ZNF469: variants seen among roughly 807,000 people sequenced by gnomAD.
ZNF469 encodes zinc finger protein 469.
ZNF469 carries 1 observed loss-of-function variant against 1.0 expected under a neutral mutation model. That is an observed-to-expected ratio of 1.00 (90% CI 0.35 to 4.73). The LOEUF is 4.73. Ranked by LOEUF, ZNF469 falls within the 30% of genes most tolerant of loss-of-function variation. The pLI is 0.16. For missense variants in ZNF469, 6,100 were observed against 5,356.3 expected (o/e 1.14, Z -4.33); for synonymous variants, 2,703 against 2,363.4 (o/e 1.14, Z -4.17).
At chr16:88,339,746 TGG>T in the ZNF469 span, among the ~76,000 whole-genome samples, 1 of 47,858 alleles carries the variant, frequency 2.1e-5, no homozygotes, top group Admixed American at 2.9e-4. Context: ...GGCAGGGGGA[TGG>T]GGGACAGACT....
the ZNF469 span, among the ~76,000 whole-genome samples, chr16:88,120,115 C>A: frequency 6.6e-6 from 1 of 152,176 alleles, no homozygotes; most frequent in East Asian, 1.9e-4. Context: ...GTGGACGTGT[C>A]CCGTGGAGGG....
At chr16:88,269,666 G>A in the ZNF469 span, among the ~76,000 whole-genome samples, 1 of 152,008 alleles carries the variant, frequency 6.6e-6, no homozygotes, top group South Asian at 2.1e-4. Flanking sequence ...TTTAAATCAC[G>A]TCTTCTGCAC....
At chr16:88,373,693 G>A in the ZNF469 span, among the ~76,000 whole-genome samples, 2 of 152,184 alleles carry the variant, frequency 1.3e-5, no homozygotes, top group Non-Finnish European at 2.9e-5. Context: ...ATCTTGAGCA[G>A]GTTTTGGAAG....
the ZNF469 span, among the ~76,000 whole-genome samples, chr16:88,331,963 T>C: frequency 1.3e-5 from 2 of 152,222 alleles, no homozygotes; most frequent in African/African-American, 4.8e-5. Context: ...TATGAAGGCC[T>C]GGCATGGCAG....
the ZNF469 span, among the ~76,000 whole-genome samples, chr16:88,347,225 G>A: frequency 1.2e-4 from 18 of 152,244 alleles, no homozygotes; most frequent in Non-Finnish European, 2.2e-4. Flanking sequence ...CTTTGGACGA[G>A]TGAGATCCCA....
the ZNF469 span, among the ~76,000 whole-genome samples, chr16:88,127,232 C>A: frequency 1.2e-4 from 18 of 152,162 alleles, no homozygotes; most frequent in African/African-American, 3.4e-4. Flanking sequence ...GCGTTGTCCG[C>A]GTCACAGGCC....
At chr16:88,393,045 G>A (rs1019487063) in intron 1 of ZNF469, among the ~76,000 whole-genome samples, 29 of 152,256 alleles carry the variant, frequency 1.9e-4, no homozygotes, top group African/African-American at 6.8e-4. Flanking sequence ...GGCGTGTGTG[G>A]GTGGGTTGGT....
the ZNF469 span, among the ~76,000 whole-genome samples, chr16:88,156,576 G>C: frequency 6.6e-6 from 1 of 152,226 alleles, no homozygotes; most frequent in South Asian, 2.1e-4. Context: ...TTATATCTTT[G>C]CAATCAGGAT....
chr16:88,238,391 A>T, the ZNF469 span, among the ~76,000 whole-genome samples: 1 of 152,202 alleles, frequency 6.6e-6, no homozygotes, highest in Non-Finnish European at 1.5e-5. Context: ...GGGATGTCCC[A>T]AAGTGGGACG....
At chr16:88,163,834 A>G in the ZNF469 span, among the ~76,000 whole-genome samples, 30 of 150,262 alleles carry the variant, frequency 2.0e-4, no homozygotes, top group African/African-American at 7.4e-4. Context: ...CAGGGATGGT[A>G]GATGTACAGA....
In ZNF469 at chr16:88,434,477, G is replaced by T. The variant is rs535533519; in HGVS notation, c.7007G>T (p.Arg2336Leu). 6.5e-7 allele frequency: 1 copy of T among 1,549,830 alleles called. No homozygotes were observed. Among genetic ancestry groups the T allele is most frequent in the African/African-American group, 1.4e-5 (1 of 73,030 alleles). ...HSSYSPSNTA[R>L]LGHREGQAVT... ...TCGTATTCTCCAAGCAATACTGCCC[G>T]CCTCGGCCACAGGGAGGGCCAGGCT... The change falls in exon 3 of 3, where the codon CGC (arginine) becomes CTC (leucine). Residue 2336 changes from arginine (R) to leucine (L), a missense_variant. Physicochemically the swap from Arg to Leu is moderately radical, Grantham distance 102. Coordinates refer to ENST00000565624, the MANE Select transcript of ZNF469 (RefSeq NM_001367624.2).
At chr16:88,289,132 G>A in the ZNF469 span, among the ~76,000 whole-genome samples, 2 of 151,410 alleles carry the variant, frequency 1.3e-5, no homozygotes, top group African/African-American at 2.4e-5. Flanking sequence ...GGTGATGACG[G>A]TGGTGTTGAG....
intron 1 of ZNF469, among the ~76,000 whole-genome samples, chr16:88,423,573 T>A: frequency 6.6e-6 from 1 of 152,128 alleles, no homozygotes; most frequent in Non-Finnish European, 1.5e-5. Context: ...TTTCCAAAGG[T>A]CAGGATGCAG....
At chr16:88,165,524 C>G in the ZNF469 span, among the ~76,000 whole-genome samples, 2 of 152,172 alleles carry the variant, frequency 1.3e-5, no homozygotes, top group African/African-American at 4.8e-5. Flanking sequence ...CCTGGATTCT[C>G]GGATGTGAAG....
chr16:88,410,713 G>A lies in ZNF469; in HGVS notation c.-191-14094G>A, dbSNP rs537442638. Among the ~76,000 whole-genome samples the A allele has an allele frequency of 5.3e-5, 8 of 151,782 alleles. No individual in the cohort carries two copies. The South Asian group carries it at 8.4e-4, about 16-fold the overall frequency. ...TGCAGGTCACACAGTTCACGGTGAC[G>A]TCTATGATGCCGTTGATGGTGCAGG... On this transcript the variant is annotated intron_variant, in intron 1 of 2. Coordinates refer to ENST00000565624, the MANE Select transcript of ZNF469 (RefSeq NM_001367624.2).
At chr16:88,266,944 G>A in the ZNF469 span, among the ~76,000 whole-genome samples, 1 of 152,288 alleles carries the variant, frequency 6.6e-6, no homozygotes, top group South Asian at 2.1e-4. Flanking sequence ...TTGGTGGCGG[G>A]GGCATCCTCT....
the ZNF469 span, among the ~76,000 whole-genome samples, chr16:88,137,896 G>A: frequency 3.3e-4 from 51 of 152,304 alleles, no homozygotes; most frequent in Admixed American, 3.3e-4. Flanking sequence ...GGGAGACAGA[G>A]GGTGGGAAGA....
chr16:88,137,849 G>A, the ZNF469 span, among the ~76,000 whole-genome samples: 1 of 152,204 alleles, frequency 6.6e-6, no homozygotes, highest in Non-Finnish European at 1.5e-5. Flanking sequence ...CAGAGCCCTG[G>A]GTTTGCAGAT....
chr16:88,125,393 G>A, the ZNF469 span, among the ~76,000 whole-genome samples: 1 of 152,214 alleles, frequency 6.6e-6, no homozygotes, highest in Non-Finnish European at 1.5e-5. Flanking sequence ...TCCAAAAGAC[G>A]GAGAAAGAGG....
Sources: gnomAD v4.1 joint callset for allele counts (sites outside exome capture counted in the v4.1 genomes callset) on GRCh38, gnomAD v4.1.1 for gene constraint, MANE v1.5 for transcripts, NCBI Gene and HGNC (gene_info 2026-07-23, HGNC 2026-07-21) for gene names.